The following DENND1A variants were observed in gnomAD, a reference collection of about 807,000 sequenced individuals.
The protein encoded by DENND1A is DENN domain containing 1A.
In DENND1A, 51 loss-of-function variants were observed where a neutral mutation model predicts 113.7. That is an observed-to-expected ratio of 0.45 (90% CI 0.36 to 0.57). DENND1A has a LOEUF of 0.57. Ranked by LOEUF, DENND1A falls within the 20% of genes least tolerant of loss-of-function variation. The pLI is 0.00. For synonymous variants in DENND1A, 565 were observed against 570.8 expected, an observed-to-expected ratio of 0.99 and a Z score of 0.14; for missense variants, 1,258 against 1,395.9, an observed-to-expected ratio of 0.90 and a Z score of 1.57.
At chr9:123,545,136 T>C (rs1449848174) in intron 13 of DENND1A, among the ~76,000 whole-genome samples, 1 of 151,970 alleles carries the variant, frequency 6.6e-6, no homozygotes, top group Non-Finnish European at 1.5e-5. Context: ...ACTTCATTCA[T>C]TCACATCCTA....
intron 11 of DENND1A, among the ~76,000 whole-genome samples, chr9:123,605,387 G>T (rs1333547263): frequency 6.6e-6 from 1 of 152,232 alleles, no homozygotes; most frequent in Admixed American, 6.5e-5. Flanking sequence ...TGGCACAGAA[G>T]AGGGGCTGCA....
intron 13 of DENND1A, among the ~76,000 whole-genome samples, chr9:123,474,731 T>C (rs982837825): frequency 2.6e-5 from 4 of 152,230 alleles, no homozygotes. Context: ...ATGGGAATCA[T>C]TGTTCTTAGC....
At chr9:123,888,343 C>T (rs1196479129) in intron 1 of DENND1A, among the ~76,000 whole-genome samples, 2 of 152,148 alleles carry the variant, frequency 1.3e-5, no homozygotes, top group Non-Finnish European at 2.9e-5. Context: ...AACAAGAAGC[C>T]ATGAGTTCAT....
intron 18 of DENND1A, among the ~76,000 whole-genome samples, chr9:123,443,752 T>G (rs1034247436): frequency 1.3e-5 from 2 of 152,162 alleles, no homozygotes; most frequent in African/African-American, 4.8e-5. Flanking sequence ...CCCAGGAGTT[T>G]GAGACCAGCT....
chr9:123,506,224 T>C (rs558358231), intron 13 of DENND1A, among the ~76,000 whole-genome samples: 13 of 152,170 alleles, frequency 8.5e-5, no homozygotes, highest in Admixed American at 2.0e-4. Context: ...CACAGGGTGG[T>C]TGTGAGGATT....
chr9:123,904,593 C>A, intron 1 of DENND1A, among the ~76,000 whole-genome samples: 2 of 147,646 alleles, frequency 1.4e-5, no homozygotes, highest in South Asian at 2.1e-4. Flanking sequence ...GGAGCCGATG[C>A]AATCAACTGG....
At chr9:123,905,135 T>C (rs1257189455) in intron 1 of DENND1A, among the ~76,000 whole-genome samples, 1 of 151,410 alleles carries the variant, frequency 6.6e-6, no homozygotes, top group Admixed American at 6.6e-5. Context: ...AGAAATAAAA[T>C]ACTTTACAGA....
At chr9:123,588,931 C>A (rs1464012761) in intron 11 of DENND1A, among the ~76,000 whole-genome samples, 1 of 151,976 alleles carries the variant, frequency 6.6e-6, no homozygotes, top group Admixed American at 6.6e-5. Context: ...CCATACCCAG[C>A]TAATTTTTTT....
intron 13 of DENND1A, among the ~76,000 whole-genome samples, chr9:123,469,339 T>C (rs952554577): frequency 8.5e-5 from 13 of 152,266 alleles, no homozygotes; most frequent in Non-Finnish European, 2.9e-5. Flanking sequence ...AGAGCTACTC[T>C]GATGATTTGC....
intron 5 of DENND1A, among the ~76,000 whole-genome samples, chr9:123,680,564 G>A (rs892775819): frequency 1.3e-5 from 2 of 152,210 alleles, no homozygotes; most frequent in African/African-American, 4.8e-5. Context: ...ACAGCATCCT[G>A]CATCTAAATC....
intron 13 of DENND1A, among the ~76,000 whole-genome samples, chr9:123,502,967 A>C (rs1406646585): frequency 6.6e-6 from 1 of 152,256 alleles, no homozygotes; most frequent in Non-Finnish European, 1.5e-5. Context: ...CCAGCTTTGC[A>C]AGATCTAGCC....
chr9:123,676,737 A>AAC lies in DENND1A; in HGVS notation c.354_355insGT (p.Tyr119ValfsTer55), dbSNP rs2064100365. On this transcript the variant is annotated frameshift_variant, in exon 6 of 24. Transcript: ENST00000394215. LOFTEE classifies it high-confidence loss of function. ...GTAAATACCTGTCTTTTTGTCGTGT[A>AAC]ATCTGCCAGGATGTTAAGCAGCTTA... The AAC allele has an allele frequency of 1.2e-6, 2 of 1,614,022 alleles. No individual in the cohort carries two copies. The highest frequency in any genetic ancestry group is 4.5e-5 in the East Asian group (2 of 44,868).
intron 2 of DENND1A, among the ~76,000 whole-genome samples, chr9:123,839,882 T>C (rs990663806): frequency 3.3e-5 from 5 of 152,190 alleles, no homozygotes; most frequent in East Asian, 1.9e-4. Flanking sequence ...AGCAGTAGAA[T>C]TGAATTTAAA....
chr9:123,884,992 C>T lies in DENND1A; in HGVS notation c.18-5971G>A, dbSNP rs1020626698. Among the ~76,000 whole-genome samples the T allele has an allele frequency of 7.1e-5, 9 of 127,020 alleles. 1 individual carries two copies. In the South Asian group the frequency reaches 7.1e-4, roughly 10 times the overall value. The allele number at this position is 127,020 out of a possible 152,430, so 83.3% of individuals were successfully genotyped here. On this transcript the variant is annotated intron_variant, in intron 1 of 23. Coordinates refer to ENST00000394215, the MANE Select transcript of DENND1A (RefSeq NM_001352964.2). The stretch of plus-strand genomic sequence containing the variant: ...CCATCTCCCACCTGACCTGCGAGCG[C>T]GCGCGCACACACACACACACACACA...
chr9:123,916,103 T>C (rs1269842038), intron 1 of DENND1A, among the ~76,000 whole-genome samples: 1 of 152,054 alleles, frequency 6.6e-6, no homozygotes, highest in Non-Finnish European at 1.5e-5. Context: ...ACTGCACCAT[T>C]TGTAATAATA....
intron 9 of DENND1A, among the ~76,000 whole-genome samples, chr9:123,637,945 A>G (rs1222094404): frequency 2.6e-4 from 5 of 19,036 alleles, no homozygotes; most frequent in Non-Finnish European, 4.8e-4. Flanking sequence ...ACACACACAC[A>G]CACACGCGCA....
chr9:123,895,520 G>A (rs1850598171), intron 1 of DENND1A, among the ~76,000 whole-genome samples: 1 of 151,864 alleles, frequency 6.6e-6, no homozygotes, highest in Non-Finnish European at 1.5e-5. Context: ...TACTTGGGAG[G>A]CTGAGGTAGG....
chr9:123,719,373 T>A (rs533031337), intron 5 of DENND1A, among the ~76,000 whole-genome samples: 1 of 152,160 alleles, frequency 6.6e-6, no homozygotes, highest in South Asian at 2.1e-4. Context: ...CCTCTCCCCA[T>A]TGCATTATGG....
rs1168546766 is a variant in DENND1A, at chr9:123,711,505, G to GTATATATA, written c.303-34717_303-34716insTATATATA. Among the ~76,000 whole-genome samples, 183 of 62,448 alleles carry GTATATATA rather than the reference G, an allele frequency of 2.9e-3. 1 individual carries two copies. Among genetic ancestry groups the GTATATATA allele is most frequent in the African/African-American group, 0.014 (160 of 11,038 alleles). 41.0% of individuals were successfully genotyped at this position (62,448 alleles called of 152,430 possible). On this transcript the variant is annotated intron_variant, in intron 5 of 23. Transcript: ENST00000394215. ...TTAAAAAATATATATATATATATAT[G>GTATATATA]TATATATGTATATATATATATATAT...
Sources: allele counts gnomAD v4.1 joint callset (sites outside exome capture counted in the v4.1 genomes callset), GRCh38; gene constraint gnomAD v4.1.1; transcripts MANE v1.5; gene names NCBI Gene and HGNC (gene_info 2026-07-23, HGNC 2026-07-21).